The following SLC20A1 variants were observed in gnomAD, a reference collection of about 807,000 sequenced individuals.
The protein encoded by SLC20A1 is sodium-dependent phosphate transporter 1.
SLC20A1 carries 28 observed loss-of-function variants against 62.7 expected under a neutral mutation model. The ratio of observed to expected loss-of-function variants is 0.45; its 90% CI spans 0.33 to 0.61. The LOEUF is 0.61. Ranked by LOEUF, SLC20A1 falls within the 20% of genes least tolerant of loss-of-function variation. The pLI, the probability that SLC20A1 is intolerant of heterozygous loss-of-function variation, is 0.02. For missense variants in SLC20A1, 673 were observed against 838.6 expected (o/e 0.80, Z 2.44); for synonymous variants, 305 against 302.9 (o/e 1.01, Z -0.07).
intron 3 of SLC20A1, 84 bp from the exon 4 acceptor site, chr2:112,647,569 A>G (rs917850348): frequency 6.3e-7 from 1 of 1,577,022 alleles, no homozygotes; most frequent in Admixed American, 1.7e-5. Context: ...AGACCCAAGA[A>G]TTTTGAACTC....
intron 4 of SLC20A1, among the ~76,000 whole-genome samples, chr2:112,648,567 T>G (rs1213039431): frequency 6.6e-6 from 1 of 152,200 alleles, no homozygotes; most frequent in Non-Finnish European, 1.5e-5. Flanking sequence ...CAGGTAAGAA[T>G]GTATTCAGAC....
Position 112,659,779 on chromosome 2 carries a change from C to G in SLC20A1, c.1607+17C>G. ...TGACGTAAGGTCAGTTGACATTGAT[C>G]TTAGTGTTGCTAACCCTATTTTTAA... On this transcript the variant is annotated intron_variant, in intron 8 of 10. Coordinates refer to ENST00000272542, the MANE Select transcript of SLC20A1 (RefSeq NM_005415.5). 6.3e-7 allele frequency: 1 copy of G among 1,593,462 alleles called. No individual in the cohort carries two copies. Among genetic ancestry groups the G allele is most frequent in the Non-Finnish European group, 8.6e-7 (1 of 1,167,144 alleles).
At position 112,646,765 on chromosome 2, in the gene SLC20A1, T is replaced by C; in HGVS notation, c.-64T>C. 1 of 1,033,054 alleles carries C rather than the reference T, an allele frequency of 9.7e-7. No individual in the cohort carries two copies. The highest frequency in any genetic ancestry group is 1.5e-6 in the Non-Finnish European group (1 of 687,078). The allele number at this position is 1,033,054 out of a possible 1,614,324, so 64.0% of individuals were successfully genotyped here. ...ATTATAGCATTTTTGATACCTCATATTCTGTTTACACATCTTGAAAGGCGC... is the reference window on the plus strand; with the variant it reads ...ATTATAGCATTTTTGATACCTCATACTCTGTTTACACATCTTGAAAGGCGC... On this transcript the variant is annotated 5_prime_UTR_variant, in exon 2 of 11. Coordinates refer to ENST00000272542, the MANE Select transcript of SLC20A1 (RefSeq NM_005415.5).
chr2:112,648,411 G>T (rs892230737), intron 4 of SLC20A1, among the ~76,000 whole-genome samples: 1 of 152,214 alleles, frequency 6.6e-6, no homozygotes, highest in Non-Finnish European at 1.5e-5. Flanking sequence ...GTTGGCATAG[G>T]ACTGAGTTAC....
At chr2:112,657,078 G>C (rs1440557498) in intron 5 of SLC20A1, 44 bp from the exon 6 acceptor site, 13 of 1,612,874 alleles carry the variant, frequency 8.1e-6, no homozygotes, top group Non-Finnish European at 1.1e-5. Context: ...ATTGCAGGGG[G>C]CTGTTGCCCT....
intron 10 of SLC20A1, among the ~76,000 whole-genome samples, chr2:112,662,029 C>T (rs893502865): frequency 6.6e-6 from 1 of 152,144 alleles, no homozygotes; most frequent in Non-Finnish European, 1.5e-5. Context: ...AGTTTATTTA[C>T]AGAAGGCATA....
chr2:112,658,861 T>C lies in SLC20A1; in HGVS notation c.815T>C (p.Met272Thr). 1 of 1,613,372 alleles carries C rather than the reference T, an allele frequency of 6.2e-7. No homozygotes were observed. Among genetic ancestry groups the C allele is most frequent in the Non-Finnish European group, 8.5e-7 (1 of 1,179,814 alleles). ...IKCSPSESPL[M>T]EKKNSLKEDH... ...TGTAGTCCTTCTGAAAGCCCCTTAA[T>C]GGAAAAAAAGAATAGCTTGAAAGAA... The change falls in exon 7 of 11, where the codon ATG (methionine) becomes ACG (threonine). Residue 272 changes from methionine (M) to threonine (T), a missense_variant. Physicochemically the swap from Met to Thr is moderately conservative, Grantham distance 81. Coordinates refer to ENST00000272542, the MANE Select transcript of SLC20A1 (RefSeq NM_005415.5).
chr2:112,655,232 G>C (rs571038930), intron 5 of SLC20A1, among the ~76,000 whole-genome samples: 1 of 151,984 alleles, frequency 6.6e-6, no homozygotes, highest in Non-Finnish European at 1.5e-5. Flanking sequence ...GCCTCCCAAA[G>C]TGCTGGGATT....
chr2:112,652,275 G>T lies in SLC20A1; in HGVS notation c.562-427G>T, dbSNP rs145346142. On this transcript the variant is annotated intron_variant, in intron 4 of 10. Transcript: ENST00000272542. ...AAGATGGTTGGCGTACGCATAGTCT[G>T]CATGTTGTATTTTTAGTCTTTGAAG... 2.6e-3 allele frequency: 452 copies of T among 172,752 alleles called. 2 individuals carry two copies. Among genetic ancestry groups the T allele is most frequent in the African/African-American group, 9.8e-3 (410 of 41,854 alleles). 10.7% of individuals were successfully genotyped at this position (172,752 alleles called of 1,614,324 possible).
intron 10 of SLC20A1, among the ~76,000 whole-genome samples, chr2:112,662,372 G>T (rs1268793585): frequency 6.6e-6 from 1 of 152,204 alleles, no homozygotes; most frequent in Admixed American, 6.5e-5. Flanking sequence ...ACAAGGTCAG[G>T]AGTTTGAGAC....
intron 9 of SLC20A1, 90 bp from the exon 10 acceptor site, chr2:112,661,052 C>T: frequency 1.1e-6 from 1 of 897,734 alleles, no homozygotes; most frequent in South Asian, 1.4e-5. Flanking sequence ...CTGAGTAGAA[C>T]AAAGCAGGAC....
chr2:112,657,353 A>G lies in SLC20A1; in HGVS notation c.778+112A>G, dbSNP rs1048375159. On this transcript the variant is annotated intron_variant, in intron 6 of 10. Transcript: ENST00000272542. ...AGATTGGCAAAATAAGAGATTTTAA[A>G]GGGAAATTTGAGGATATGGGTTTGT... The G allele has an allele frequency of 1.2e-5, 14 of 1,154,192 alleles. No homozygotes were observed. In the African/African-American group the frequency reaches 2.0e-4, roughly 17 times the overall value. 71.5% of individuals were successfully genotyped at this position (1,154,192 alleles called of 1,614,324 possible).
chr2:112,653,149 A>T (rs926692018), intron 5 of SLC20A1: 1 of 361,556 alleles, frequency 2.8e-6, no homozygotes. Context: ...GATCTTCAGT[A>T]ATCAGTCATT....
intron 5 of SLC20A1, among the ~76,000 whole-genome samples, chr2:112,654,794 G>A (rs1686537766): frequency 6.6e-6 from 1 of 151,228 alleles, no homozygotes; most frequent in South Asian, 2.1e-4. Context: ...TACTTCGGAG[G>A]CTGAGGCAGG....
chr2:112,654,379 G>A (rs1461967649), intron 5 of SLC20A1, among the ~76,000 whole-genome samples: 3 of 152,188 alleles, frequency 2.0e-5, no homozygotes, highest in African/African-American at 7.2e-5. Flanking sequence ...AAAGCTCAGA[G>A]ATGAGTGAAA....
Position 112,663,014 on chromosome 2 carries a change from C to T in SLC20A1, c.2029C>T (p.Leu677Phe). 6.2e-7 allele frequency: 1 copy of T among 1,614,084 alleles called. No individual in the cohort carries two copies. The highest frequency in any genetic ancestry group is 1.1e-5 in the South Asian group (1 of 91,066). ...CATGGCAATCTTCAGATATGTCATC[C>T]TCAGAATGTGAAGCTGTTTGAGATT... ...AIMAIFRYVI[L>F]RM Residue 677 changes from leucine (L) to phenylalanine (F), a missense_variant, in exon 11 of 11, where the codon CTC becomes TTC. Physicochemically the swap from Leu to Phe is conservative, Grantham distance 22 (BLOSUM62 0). Coordinates refer to ENST00000272542, the MANE Select transcript of SLC20A1 (RefSeq NM_005415.5).
chr2:112,655,004 T>A (rs1686545169), intron 5 of SLC20A1, among the ~76,000 whole-genome samples: 1 of 134,584 alleles, frequency 7.4e-6, no homozygotes, highest in Non-Finnish European at 1.6e-5. Context: ...AGTCTCGCCC[T>A]GTCACTCAGG....
rs898131248 is a variant in SLC20A1, at chr2:112,663,705, T to G, written c.*680T>G. ...ATCTTGGTTATTTCTTTAAGATTTC[T>G]GGCAGTGTGGGATGGATGAATGAAG... On this transcript the variant is annotated 3_prime_UTR_variant, in exon 11 of 11. Coordinates refer to ENST00000272542, the MANE Select transcript of SLC20A1 (RefSeq NM_005415.5). 1 of 154,290 alleles carries G rather than the reference T, an allele frequency of 6.5e-6. No homozygotes were observed. Among genetic ancestry groups the G allele is most frequent in the Non-Finnish European group, 1.4e-5 (1 of 69,272 alleles). 9.6% of individuals were successfully genotyped at this position (154,290 alleles called of 1,614,324 possible).
intron 5 of SLC20A1, among the ~76,000 whole-genome samples, chr2:112,655,433 G>T (rs929492844): frequency 6.6e-6 from 1 of 151,182 alleles, no homozygotes; most frequent in East Asian, 2.0e-4. Context: ...CTGTGATTTC[G>T]TACATAACAA....
Sources: gnomAD v4.1 joint callset for allele counts (sites outside exome capture counted in the v4.1 genomes callset) on GRCh38, gnomAD v4.1.1 for gene constraint, MANE v1.5 for transcripts, NCBI Gene and HGNC (gene_info 2026-07-23, HGNC 2026-07-21) for gene names.